The following ARHGAP18 variants were observed in gnomAD, a reference collection of about 807,000 sequenced individuals.
ARHGAP18 encodes rho GTPase-activating protein 18.
In ARHGAP18, 67 loss-of-function variants were observed where a neutral mutation model predicts 86.2. That is an observed-to-expected ratio of 0.78 (90% CI 0.64 to 0.95). The LOEUF (loss-of-function observed/expected upper bound fraction) is 0.95. Among genes scored for constraint, ARHGAP18 ranks in the 40% least tolerant of loss-of-function variants. The pLI is 0.00. For missense variants in ARHGAP18, 691 were observed against 780.4 expected (o/e 0.89, Z 1.37); for synonymous variants, 283 against 280.4 (o/e 1.01, Z -0.09).
intron 1 of ARHGAP18, among the ~76,000 whole-genome samples, chr6:129,670,120 G>GT (rs971271905): frequency 6.6e-6 from 1 of 152,178 alleles, no homozygotes; most frequent in Non-Finnish European, 1.5e-5. Flanking sequence ...AATAAAGACA[G>GT]TTTTTATTAA....
intron 8 of ARHGAP18, among the ~76,000 whole-genome samples, chr6:129,608,326 A>C (rs1343978959): frequency 6.6e-6 from 1 of 152,156 alleles, no homozygotes; most frequent in Non-Finnish European, 1.5e-5. Flanking sequence ...AACTGTAAGT[A>C]ATAAAGTTTT....
At chr6:129,587,224 G>C (rs1276076410) in intron 12 of ARHGAP18, among the ~76,000 whole-genome samples, 1 of 152,148 alleles carries the variant, frequency 6.6e-6, no homozygotes, top group East Asian at 1.9e-4. Flanking sequence ...AAAGAAACAA[G>C]TTAAGGTGCC....
chr6:129,669,803 T>G (rs1774110703), intron 1 of ARHGAP18, among the ~76,000 whole-genome samples: 1 of 151,856 alleles, frequency 6.6e-6, no homozygotes, highest in East Asian at 1.9e-4. Context: ...ATAAATAAAT[T>G]CAGGAAAAAT....
chr6:129,600,990 T>A, intron 10 of ARHGAP18, 142 bp from the exon 11 acceptor site: 1 of 695,766 alleles, frequency 1.4e-6, no homozygotes, highest in Non-Finnish European at 2.3e-6. Flanking sequence ...GCAGGCCCTG[T>A]TACCAAAGCT....
chr6:129,618,722 A>G lies in ARHGAP18; in HGVS notation c.917T>C (p.Leu306Pro). The change falls in exon 6 of 15, where the codon CTG becomes CCG. Residue 306 changes from leucine (L) to proline (P), a missense_variant. Transcript: ENST00000368149. Reference sequence around the variant, plus strand: ...GATTTTCACAGCTTTTTGTTGTTTCAGCTCAATACCCAATACATCATAGAG... The same window carrying G: ...GATTTTCACAGCTTTTTGTTGTTTCGGCTCAATACCCAATACATCATAGAG... The part of the protein sequence containing the change: ...TALYDVLGIE[L>P]KQQKAVKIKT... 6.2e-7 allele frequency: 1 copy of G among 1,605,834 alleles called. No homozygotes were observed. The highest frequency in any genetic ancestry group is 1.1e-5 in the South Asian group (1 of 88,840).
At chr6:129,594,472 C>A (rs1788576873) in intron 12 of ARHGAP18, among the ~76,000 whole-genome samples, 1 of 152,166 alleles carries the variant, frequency 6.6e-6, no homozygotes, top group African/African-American at 2.4e-5. Context: ...CTCTTTGTCT[C>A]TTTATTTTCT....
At position 129,576,171 on chromosome 6, in the gene ARHGAP18, T is replaced by G. The variant is rs936426349; in HGVS notation, c.*2342A>C. 1 of 152,172 alleles carries G rather than the reference T, an allele frequency of 6.6e-6. No individual in the cohort carries two copies. Among genetic ancestry groups the G allele is most frequent in the Non-Finnish European group, 1.5e-5 (1 of 68,040 alleles). The allele number at this position is 152,172 out of a possible 1,614,324, so 9.4% of individuals were successfully genotyped here. ...CAAATATATTTATTTTTATTTTGTC[T>G]CATACACACACAGAAAAACAAATAA... On this transcript the variant is annotated 3_prime_UTR_variant, in exon 15 of 15. Transcript: ENST00000368149.
chr6:129,621,005 T>C (rs1278641990), intron 5 of ARHGAP18, among the ~76,000 whole-genome samples: 1 of 152,190 alleles, frequency 6.6e-6, no homozygotes, highest in East Asian at 1.9e-4. Context: ...ATTAAAACCA[T>C]GATACACTTA....
rs181023985 is a variant in ARHGAP18 at position 129,637,800 on chromosome 6, G to A, written c.552+594C>T. 2.6e-5 allele frequency among the ~76,000 whole-genome samples: 4 copies of A among 152,280 alleles called. No individual in the cohort carries two copies. In the East Asian group the frequency reaches 7.7e-4, roughly 29 times the overall value. On this transcript the variant is annotated intron_variant, in intron 3 of 14. Coordinates refer to ENST00000368149, the MANE Select transcript of ARHGAP18 (RefSeq NM_033515.3). The stretch of plus-strand genomic sequence containing the variant: ...CACACGGTAGCACTGGAGTCTCTCT[G>A]AATGTGCTGTGATTCTGGGGGCTGC...
intron 12 of ARHGAP18, among the ~76,000 whole-genome samples, chr6:129,589,697 G>A (rs566957057): frequency 6.6e-5 from 10 of 152,170 alleles, no homozygotes; most frequent in East Asian, 1.9e-4. Context: ...CCACTCTATC[G>A]GTACCAATAT....
rs150701207 is a variant in ARHGAP18, at chr6:129,698,445, A to G, written c.113+11579T>C. Among the ~76,000 whole-genome samples the G allele has an allele frequency of 3.6e-3, 549 of 152,282 alleles. 1 individual carries two copies. The highest frequency in any genetic ancestry group is 0.013 in the African/African-American group (530 of 41,570). The stretch of plus-strand genomic sequence containing the variant: ...GAAATAAGCCAGATCTCTACAGCCA[A>G]ACCACCAAAATTTCAAAATTCTTGT... On this transcript the variant is annotated intron_variant, in intron 1 of 14. Transcript: ENST00000368149.
chr6:129,614,616 A>G (rs938535126), intron 7 of ARHGAP18, among the ~76,000 whole-genome samples: 4 of 152,204 alleles, frequency 2.6e-5, no homozygotes, highest in Admixed American at 2.6e-4. Context: ...ATCACGTGGC[A>G]TCACTGAACC....
At chr6:129,632,117 G>A (rs1000470946) in intron 4 of ARHGAP18, among the ~76,000 whole-genome samples, 3 of 152,156 alleles carry the variant, frequency 2.0e-5, no homozygotes, top group African/African-American at 4.8e-5. Context: ...TTTTGAACCT[G>A]AGACAATGTT....
At chr6:129,689,734 G>T (rs1203903150) in intron 1 of ARHGAP18, among the ~76,000 whole-genome samples, 1 of 152,180 alleles carries the variant, frequency 6.6e-6, no homozygotes, top group Non-Finnish European at 1.5e-5. Context: ...AGGAATCCTT[G>T]TGAGTGTGTA....
At chr6:129,630,022 C>T (rs1226261374) in intron 4 of ARHGAP18, among the ~76,000 whole-genome samples, 1 of 152,118 alleles carries the variant, frequency 6.6e-6, no homozygotes. Flanking sequence ...TATTACCTAC[C>T]TATCATAGTA....
intron 5 of ARHGAP18, among the ~76,000 whole-genome samples, chr6:129,620,343 A>C (rs368834462): frequency 7.2e-5 from 11 of 152,322 alleles, no homozygotes; most frequent in East Asian, 3.9e-4. Context: ...TGGAACATTT[A>C]GGATTTTGGA....
intron 7 of ARHGAP18, among the ~76,000 whole-genome samples, chr6:129,612,822 G>C (rs1169065049): frequency 6.6e-6 from 1 of 152,186 alleles, no homozygotes; most frequent in Non-Finnish European, 1.5e-5. Flanking sequence ...AAGATGCACT[G>C]ATATTGAGGA....
intron 7 of ARHGAP18, 65 bp from the exon 8 acceptor site, chr6:129,611,675 ATC>A (rs1788983861): frequency 1.5e-6 from 2 of 1,367,064 alleles, no homozygotes; most frequent in South Asian, 1.2e-5. Flanking sequence ...CGAATTTAAC[ATC>A]TGTTTCACAT....
Position 129,611,210 on chromosome 6 carries a change from C to T in ARHGAP18, c.1122+323G>A, listed in dbSNP as rs191080375. Among the ~76,000 whole-genome samples the T allele has an allele frequency of 1.1e-4, 16 of 152,264 alleles. No individual in the cohort carries two copies. The East Asian group carries it at 2.5e-3, about 24-fold the overall frequency. ...AACCACCACGCCCGGCCCTGACTTC[C>T]GTAAACTCAATTGCTACTACTCATC... On this transcript the variant is annotated intron_variant, in intron 8 of 14. Transcript: ENST00000368149.
Sources: gnomAD v4.1 joint callset for allele counts (sites outside exome capture counted in the v4.1 genomes callset) on GRCh38, gnomAD v4.1.1 for gene constraint, MANE v1.5 for transcripts, NCBI Gene and HGNC (gene_info 2026-07-23, HGNC 2026-07-21) for gene names.